Variants in FRMD4B observed in about 807,000 individuals in gnomAD.
FRMD4B encodes FERM domain-containing protein 4B.
A neutral mutation model predicts 141.5 loss-of-function variants in FRMD4B; 74 were observed. That is an observed-to-expected ratio of 0.52 (90% CI 0.43 to 0.63). The LOEUF is 0.63. Among genes scored for constraint, FRMD4B ranks in the 30% least tolerant of loss-of-function variants. The pLI is 0.00. For missense variants in FRMD4B, 1,366 were observed against 1,253.4 expected, an observed-to-expected ratio of 1.09 and a Z score of -1.36; for synonymous variants, 506 against 467.9, an observed-to-expected ratio of 1.08 and a Z score of -1.05.
chr3:69,468,111 G>T (rs1313507977), intron 1 of FRMD4B, among the ~76,000 whole-genome samples: 1 of 152,076 alleles, frequency 6.6e-6, no homozygotes, highest in African/African-American at 2.4e-5. Context: ...AATTTTTCCT[G>T]CTACCTTACA....
At chr3:69,334,404 T>A (rs1177115291) in intron 1 of FRMD4B, 1 of 141,040 alleles carries the variant, frequency 7.1e-6, no homozygotes, top group Non-Finnish European at 1.5e-5. Flanking sequence ...GAGGCGGAGG[T>A]GGGCAGATTG....
In FRMD4B at chr3:69,466,647, G is replaced by A. The variant is rs142958120; in HGVS notation, c.-128-33886C>T. Among the ~76,000 whole-genome samples, 417 of 152,270 alleles carry A rather than the reference G, an allele frequency of 2.7e-3. 3 individuals carry two copies. Among genetic ancestry groups the A allele is most frequent in the African/African-American group, 7.8e-3 (325 of 41,568 alleles). ...ATACATTTTGCCTTTGTTTATGTTT[G>A]TATTTTCTCACAACACAAAGTTAAA... On this transcript the variant is annotated intron_variant, in intron 1 of 5. Transcript: ENST00000459638.
intron 2 of FRMD4B, among the ~76,000 whole-genome samples, chr3:69,427,880 T>A (rs1308406318): frequency 6.6e-6 from 1 of 151,936 alleles, no homozygotes; most frequent in Admixed American, 6.6e-5. Flanking sequence ...GGTCTCGAAC[T>A]CCTGACCTCG....
intron 7 of FRMD4B, among the ~76,000 whole-genome samples, chr3:69,238,768 G>A (rs1157306218): frequency 1.3e-5 from 2 of 152,172 alleles, no homozygotes; most frequent in Non-Finnish European, 2.9e-5. Flanking sequence ...CAGGATAACA[G>A]AGAAAAATCC....
At chr3:69,470,905 T>C (rs1705877486) in intron 1 of FRMD4B, among the ~76,000 whole-genome samples, 1 of 152,140 alleles carries the variant, frequency 6.6e-6, no homozygotes, top group Non-Finnish European at 1.5e-5. Context: ...AGTAAAACCA[T>C]CCCACATGGC....
intron 1 of FRMD4B, among the ~76,000 whole-genome samples, chr3:69,458,545 A>T (rs1261118958): frequency 6.6e-6 from 1 of 152,232 alleles, no homozygotes; most frequent in Non-Finnish European, 1.5e-5. Flanking sequence ...GAAGGTGGAC[A>T]TTTGATGGGC....
intron 1 of FRMD4B, among the ~76,000 whole-genome samples, chr3:69,517,499 G>C (rs1212267883): frequency 1.3e-5 from 2 of 152,220 alleles, no homozygotes; most frequent in African/African-American, 2.4e-5. Context: ...TCCTTCCAAA[G>C]GGAAGGAAAA....
chr3:69,455,191 C>T (rs1191063684), intron 1 of FRMD4B, among the ~76,000 whole-genome samples: 5 of 152,160 alleles, frequency 3.3e-5, no homozygotes, highest in African/African-American at 9.7e-5. Context: ...CAATCAGCTC[C>T]CTGTAAAATG....
At chr3:69,239,021 A>G (rs2093364163) in intron 7 of FRMD4B, among the ~76,000 whole-genome samples, 1 of 152,196 alleles carries the variant, frequency 6.6e-6, no homozygotes, top group Admixed American at 6.5e-5. Context: ...TGGGCGTCCT[A>G]TATTTTTATT....
chr3:69,311,818 T>TTAATAA (rs764022716), intron 2 of FRMD4B, among the ~76,000 whole-genome samples: 1 of 151,768 alleles, frequency 6.6e-6, no homozygotes, highest in Admixed American at 6.6e-5. Flanking sequence ...GATGAAAATA[T>TTAATAA]TAATAATAAT....
chr3:69,170,327 G>C lies in FRMD4B; in HGVS notation c.*1534C>G, dbSNP rs924722804. On this transcript the variant is annotated 3_prime_UTR_variant, in exon 23 of 23. Coordinates refer to ENST00000398540, the MANE Select transcript of FRMD4B (RefSeq NM_015123.3). The stretch of plus-strand genomic sequence containing the variant: ...AAAAATAATAGGTCTTGAAAAGTCA[G>C]AACAATAAAAGAATATGCAAAAAGG... 3 of 151,822 alleles carry C rather than the reference G, an allele frequency of 2.0e-5. No homozygotes were observed. The highest frequency in any genetic ancestry group is 4.4e-5 in the Non-Finnish European group (3 of 67,962). The allele number at this position is 151,822 out of a possible 1,614,324, so 9.4% of individuals were successfully genotyped here. A position where few individuals can be genotyped will look rare whatever the true frequency, so the allele number is the denominator to read the frequency against.
At chr3:69,183,830 A>G (rs1037300899) in intron 19 of FRMD4B, among the ~76,000 whole-genome samples, 1 of 151,918 alleles carries the variant, frequency 6.6e-6, no homozygotes. Context: ...AATTTTACTT[A>G]CTACAAAAGC....
At chr3:69,459,059 A>G (rs1705664755) in intron 1 of FRMD4B, among the ~76,000 whole-genome samples, 1 of 152,132 alleles carries the variant, frequency 6.6e-6, no homozygotes, top group Admixed American at 6.5e-5. Context: ...ACTTCCTCCT[A>G]AACACACAGT....
intron 1 of FRMD4B, among the ~76,000 whole-genome samples, chr3:69,341,286 T>C (rs932573871): frequency 1.3e-5 from 2 of 151,796 alleles, no homozygotes; most frequent in African/African-American, 2.4e-5. Context: ...CTGAAAAAAA[T>C]CTCTGCAGAT....
At chr3:69,235,082 G>A (rs992852453) in intron 7 of FRMD4B, among the ~76,000 whole-genome samples, 1 of 151,150 alleles carries the variant, frequency 6.6e-6, no homozygotes, top group Non-Finnish European at 1.5e-5. Flanking sequence ...CCCAGGAGGC[G>A]GAGTTTACAG....
In FRMD4B at chr3:69,269,517, G is replaced by A. The variant is rs954681622; in HGVS notation, c.501+18235C>T. 4.2e-4 allele frequency among the ~76,000 whole-genome samples: 64 copies of A among 152,210 alleles called. 1 individual carries two copies. The highest frequency in any genetic ancestry group is 6.8e-3 in the Middle Eastern group (2 of 294). ...TAGGAATCCCCTACCTCTGATACCC[G>A]CTTCCCCCATGTCATGCATCAAGCC... On this transcript the variant is annotated intron_variant, in intron 5 of 22. Transcript: ENST00000398540.
At chr3:69,499,450 A>G (rs1706457392) in intron 1 of FRMD4B, among the ~76,000 whole-genome samples, 1 of 152,166 alleles carries the variant, frequency 6.6e-6, no homozygotes, top group Non-Finnish European at 1.5e-5. Context: ...TGAATTTGGG[A>G]TAACTTTTGC....
chr3:69,535,701 C>A, intron 1 of FRMD4B: 1 of 361,388 alleles, frequency 2.8e-6, no homozygotes, highest in South Asian at 2.2e-5. Flanking sequence ...ATGAGGAGAC[C>A]GTAATGGGCA....
intron 1 of FRMD4B, chr3:69,471,991 CT>C (rs58822985): frequency 0.026 from 3,828 of 148,632 alleles, 89 homozygotes; most frequent in African/African-American, 0.07. Flanking sequence ...TGAAAGTTGT[CT>C]TTTTTTTTTT....
Sources: allele counts gnomAD v4.1 joint callset (sites outside exome capture counted in the v4.1 genomes callset), GRCh38; gene constraint gnomAD v4.1.1; transcripts MANE v1.5; gene names NCBI Gene and HGNC (gene_info 2026-07-23, HGNC 2026-07-21).